FREM2: variants seen among roughly 807,000 people sequenced by gnomAD.
The protein encoded by FREM2 is FRAS1 related extracellular matrix 2.
A neutral mutation model predicts 219.9 loss-of-function variants in FREM2; 119 were observed. That is an observed-to-expected ratio of 0.54 (90% confidence interval 0.47 to 0.63). The LOEUF is 0.63. Ranked by LOEUF, FREM2 falls within the 30% of genes least tolerant of loss-of-function variation. The pLI, the probability that FREM2 is intolerant of heterozygous loss-of-function variation, is 0.00. For synonymous variants in FREM2, 1,562 were observed against 1,522.8 expected, an observed-to-expected ratio of 1.03 and a Z score of -0.60; for missense variants, 4,030 against 3,993.6, an observed-to-expected ratio of 1.01 and a Z score of -0.25.
At position 38,878,118 on chromosome 13, in the gene FREM2, C is replaced by T; in HGVS notation, c.8672-16C>T. The T allele has an allele frequency of 1.2e-6, 2 of 1,602,954 alleles. No individual in the cohort carries two copies. The highest frequency in any genetic ancestry group is 1.7e-6 in the Non-Finnish European group (2 of 1,169,982). ...TATCATATAACAGAAATAACATTTC[C>T]ACATCTCTATTTCAGGTGATATAAT... On this transcript the variant is annotated splice_polypyrimidine_tract_variant and intron_variant, in intron 21 of 23. Coordinates refer to ENST00000280481, the MANE Select transcript of FREM2 (RefSeq NM_207361.6).
chr13:38,864,184 A>G, intron 15 of FREM2, 91 bp from the exon 16 acceptor site: 1 of 991,642 alleles, frequency 1.0e-6, no homozygotes, highest in South Asian at 1.3e-5. Flanking sequence ...ATTTTATGAC[A>G]CTTGTTTTCT....
intron 2 of FREM2, among the ~76,000 whole-genome samples, chr13:38,757,526 C>G (rs1389301280): frequency 6.6e-6 from 1 of 152,050 alleles, no homozygotes; most frequent in African/African-American, 2.4e-5. Context: ...CCAGTGGAAA[C>G]CCATGTGTGT....
At chr13:38,790,992 A>G (rs1874537295) in intron 6 of FREM2, among the ~76,000 whole-genome samples, 1 of 152,214 alleles carries the variant, frequency 6.6e-6, no homozygotes, top group East Asian at 1.9e-4. Flanking sequence ...AATTACCATT[A>G]TAAACCAAAT....
chr13:38,880,826 C>T lies in FREM2; in HGVS notation c.*39C>T, dbSNP rs374026860. ...AATTCAACCTTTTCCGTAAGTGCCTCGGAAAAGATCACAATGGAACCTTAA... is the reference window on the plus strand; with the variant it reads ...AATTCAACCTTTTCCGTAAGTGCCTTGGAAAAGATCACAATGGAACCTTAA... On this transcript the variant is annotated 3_prime_UTR_variant, in exon 24 of 24. Coordinates refer to ENST00000280481, the MANE Select transcript of FREM2 (RefSeq NM_207361.6). 6.2e-6 allele frequency: 10 copies of T among 1,610,338 alleles called. No homozygotes were observed. In the African/African-American group the frequency reaches 8.0e-5, roughly 13 times the overall value.
chr13:38,762,130 A>G (rs1014461471), intron 2 of FREM2, among the ~76,000 whole-genome samples: 2 of 152,078 alleles, frequency 1.3e-5, no homozygotes, highest in African/African-American at 2.4e-5. Flanking sequence ...GTGTGTGTGT[A>G]TGGGTTACCT....
At position 38,872,947 on chromosome 13, in the gene FREM2, G is replaced by A; in HGVS notation, c.8176+13G>A. The A allele has an allele frequency of 1.2e-6, 2 of 1,611,952 alleles. No homozygotes were observed. The highest frequency in any genetic ancestry group is 2.2e-5 in the East Asian group (1 of 44,864). On this transcript the variant is annotated intron_variant, in intron 17 of 23. Transcript: ENST00000280481. Reference sequence around the variant, plus strand: ...GCTGAACTTCAAGGTGAGTTCAGAAGACTTGGAAAATTCTATAGTTTTGTA... The same window carrying A: ...GCTGAACTTCAAGGTGAGTTCAGAAAACTTGGAAAATTCTATAGTTTTGTA...
chr13:38,872,028 G>A (rs1878176284), intron 16 of FREM2, among the ~76,000 whole-genome samples: 1 of 151,886 alleles, frequency 6.6e-6, no homozygotes. Flanking sequence ...TTTTATAATA[G>A]CCAAAAACTG....
At chr13:38,858,632 G>A (rs916107875) in intron 13 of FREM2, among the ~76,000 whole-genome samples, 6 of 152,134 alleles carry the variant, frequency 3.9e-5, no homozygotes, top group Non-Finnish European at 7.4e-5. Context: ...ACTTACTTAT[G>A]TTTATATTAC....
At chr13:38,783,228 C>T (rs781352976) in intron 5 of FREM2, 33 bp downstream of exon 5, 1 of 1,612,416 alleles carries the variant, frequency 6.2e-7, no homozygotes, top group South Asian at 1.1e-5. Context: ...TAAGATAACC[C>T]CCAAAAGATA....
intron 6 of FREM2, chr13:38,827,696 T>C (rs1876347876): frequency 6.6e-6 from 1 of 152,118 alleles, no homozygotes; most frequent in Non-Finnish European, 1.5e-5. Context: ...TATGTAAGAA[T>C]GGAAAGACAC....
chr13:38,880,296 C>G lies in FREM2; in HGVS notation c.9019C>G (p.Arg3007Gly). ...TTGTGCTTTCTAGGTCGCTCTAGGC[C>G]GAGAATGGTATATACATACGATCTA... ...STPLFQVALG[R>G]EWYIHTIYTV... is the part of the protein sequence containing the mutation. Residue 3007 changes from arginine (R) to glycine (G), a missense_variant, in exon 24 of 24, where the codon CGA becomes GGA. Physicochemically the swap from Arg to Gly is moderately radical, Grantham distance 125. Around this residue, in one of 2 missense-constraint regions of FREM2, gnomAD observed 928 missense variants for 1,042.9 expected, o/e 0.89. Coordinates refer to ENST00000280481, the MANE Select transcript of FREM2 (RefSeq NM_207361.6). 6.2e-7 allele frequency: 1 copy of G among 1,613,480 alleles called. No homozygotes were observed. Among genetic ancestry groups the G allele is most frequent in the Non-Finnish European group, 8.5e-7 (1 of 1,179,900 alleles).
chr13:38,743,700 C>T (rs1254250847), intron 2 of FREM2, among the ~76,000 whole-genome samples: 1 of 152,072 alleles, frequency 6.6e-6, no homozygotes, highest in Non-Finnish European at 1.5e-5. Context: ...CCTGTGTGCC[C>T]CACCCCTAAA....
intron 6 of FREM2, among the ~76,000 whole-genome samples, chr13:38,792,781 T>A (rs1195282857): frequency 1.3e-5 from 2 of 149,152 alleles, no homozygotes; most frequent in Non-Finnish European, 1.5e-5. Flanking sequence ...GATTTTTTTT[T>A]AATCATTCGA....
At chr13:38,733,612 C>T (rs558435421) in intron 2 of FREM2, among the ~76,000 whole-genome samples, 1 of 151,594 alleles carries the variant, frequency 6.6e-6, no homozygotes, top group Non-Finnish European at 1.5e-5. Flanking sequence ...TGTCAAGAAA[C>T]TTTATATATA....
chr13:38,779,069 G>C (rs1349496351), intron 4 of FREM2, among the ~76,000 whole-genome samples: 2 of 152,012 alleles, frequency 1.3e-5, no homozygotes, highest in Non-Finnish European at 2.9e-5. Flanking sequence ...TGTAATTCTT[G>C]CTTTTACTAA....
chr13:38,764,532 T>G, intron 3 of FREM2, 82 bp downstream of exon 3: 1 of 824,844 alleles, frequency 1.2e-6, no homozygotes, highest in Non-Finnish European at 1.9e-6. Flanking sequence ...AAAGTATCAG[T>G]TTAGTTCACT....
At position 38,691,462 on chromosome 13, in the gene FREM2, A is replaced by G. The variant is rs150948219; in HGVS notation, c.4118A>G (p.Asp1373Gly). Residue 1373 changes from aspartate (D) to glycine (G), a missense_variant, in exon 1 of 24, where the codon GAT becomes GGT. Coordinates refer to ENST00000280481, the MANE Select transcript of FREM2 (RefSeq NM_207361.6). ...ACACTGGGCATGAATTTTACCCAGG[A>G]TGAAGTAGACAGAAACTTAATTCAG... The part of the protein sequence containing the change: ...NITLGMNFTQ[D>G]EVDRNLIQYV... 26 of 1,614,066 alleles carry G rather than the reference A, an allele frequency of 1.6e-5. No homozygotes were observed. In the East Asian group the frequency reaches 4.0e-4, roughly 25 times the overall value.
Position 38,881,016 on chromosome 13 carries a change from C to T in FREM2, c.*229C>T, listed in dbSNP as rs1253241868. On this transcript the variant is annotated 3_prime_UTR_variant, in exon 24 of 24. Transcript: ENST00000280481. ...GCCCCAAAGGCAGCAACAACGTACT[C>T]ATATGTACACAGAGCCATGATGTGA... is the stretch of plus-strand genomic sequence containing the variant. 1.7e-6 allele frequency: 1 copy of T among 596,588 alleles called. No individual in the cohort carries two copies. The highest frequency in any genetic ancestry group is 1.8e-5 in the African/African-American group (1 of 54,284). 37.0% of individuals were successfully genotyped at this position (596,588 alleles called of 1,614,324 possible). A position where few individuals can be genotyped will look rare whatever the true frequency, so the allele number is the denominator to read the frequency against.
At position 38,811,571 on chromosome 13, in the gene FREM2, G is replaced by A. The variant is rs115769269; in HGVS notation, c.6019+26763G>A. On this transcript the variant is annotated intron_variant, in intron 6 of 23. Transcript: ENST00000280481. The stretch of plus-strand genomic sequence containing the variant: ...TCTGCATTGGCCCACTGGTCATTCC[G>A]GAGCATATTGTTTATTTCCATGTGT... Among the ~76,000 whole-genome samples the A allele has an allele frequency of 5.6e-3, 855 of 151,998 alleles. 10 individuals carry two copies. The highest frequency in any genetic ancestry group is 0.02 in the African/African-American group (811 of 41,494).
Sources: gnomAD v4.1 joint callset for allele counts (sites outside exome capture counted in the v4.1 genomes callset) on GRCh38, gnomAD v4.1.1 for gene constraint, gnomAD v4.1.1 regional missense constraint, MANE v1.5 for transcripts, NCBI Gene and HGNC (gene_info 2026-07-23, HGNC 2026-07-21) for gene names.